The following DNAJC10 variants were observed in gnomAD, a reference collection of about 807,000 sequenced individuals.
DNAJC10 encodes DnaJ heat shock protein family (Hsp40) member C10, also known as endoplasmic reticulum disulfide reductase DNAJC10.
A neutral mutation model predicts 115.0 loss-of-function variants in DNAJC10; 101 were observed. The ratio of observed to expected loss-of-function variants is 0.88; its 90% CI spans 0.75 to 1.04. The LOEUF is 1.04. Ranked by LOEUF, DNAJC10 falls within the 50% of genes least tolerant of loss-of-function variation. The pLI is 0.00. For synonymous variants in DNAJC10, 307 were observed against 301.5 expected (o/e 1.02, Z -0.19); for missense variants, 981 against 928.8 (o/e 1.06, Z -0.73).
At chr2:182,719,702 T>C (rs1341531644) in intron 3 of DNAJC10, among the ~76,000 whole-genome samples, 1 of 148,664 alleles carries the variant, frequency 6.7e-6, no homozygotes, top group Admixed American at 6.6e-5. Flanking sequence ...TTCAACAGGC[T>C]TATTATTTTC....
intron 8 of DNAJC10, among the ~76,000 whole-genome samples, chr2:182,730,784 C>T: frequency 6.6e-6 from 1 of 151,896 alleles, no homozygotes; most frequent in African/African-American, 2.4e-5. Context: ...GTCACAGGGG[C>T]CTAACTTGCC....
In DNAJC10 at chr2:182,756,811, G is replaced by A. The variant is rs139350688; in HGVS notation, c.1809+342G>A. 3.8e-3 allele frequency among the ~76,000 whole-genome samples: 583 copies of A among 152,182 alleles called. 4 individuals are homozygous for A. Among genetic ancestry groups the A allele is most frequent in the African/African-American group, 0.013 (551 of 41,554 alleles). ...GTGCCACCACGCCTAGCTAATTTTT[G>A]TATTTTTAGTAGAAACAGGGTTTTG... On this transcript the variant is annotated intron_variant, in intron 18 of 23. Transcript: ENST00000264065.
chr2:182,739,166 A>T (rs1386225244), intron 11 of DNAJC10, among the ~76,000 whole-genome samples: 1 of 51,442 alleles, frequency 1.9e-5, no homozygotes, highest in African/African-American at 3.6e-5. Flanking sequence ...TGTTTATGAT[A>T]TATATATATA....
intron 8 of DNAJC10, among the ~76,000 whole-genome samples, 154 bp from the exon 9 acceptor site, chr2:182,730,876 C>T (rs1693426674): frequency 6.6e-6 from 1 of 152,046 alleles, no homozygotes; most frequent in African/African-American, 2.4e-5. Context: ...AGGAATTTGT[C>T]ATACTCAAGA....
intron 22 of DNAJC10, among the ~76,000 whole-genome samples, chr2:182,773,309 C>CT (rs577179843): frequency 6.7e-4 from 102 of 152,162 alleles, no homozygotes; most frequent in African/African-American, 2.4e-3. Flanking sequence ...AATTATGTGT[C>CT]TTGGGGTTGC....
At chr2:182,754,424 G>T (rs1191095251) in intron 16 of DNAJC10, among the ~76,000 whole-genome samples, 2 of 152,092 alleles carry the variant, frequency 1.3e-5, no homozygotes, top group Non-Finnish European at 2.9e-5. Context: ...GGCTTCCTGG[G>T]CTGGTGCCCA....
At chr2:182,730,580 G>A (rs769917031) in intron 8 of DNAJC10, 1 of 452,362 alleles carries the variant, frequency 2.2e-6, no homozygotes, top group South Asian at 1.6e-5. Context: ...TTGGGGAAAA[G>A]AGAAAGAGTT....
intron 12 of DNAJC10, among the ~76,000 whole-genome samples, chr2:182,740,797 G>A (rs1574933004): frequency 6.6e-6 from 1 of 152,002 alleles, no homozygotes; most frequent in Admixed American, 6.6e-5. Flanking sequence ...TTCCTATTAG[G>A]TTGGTGCAAA....
intron 10 of DNAJC10, among the ~76,000 whole-genome samples, chr2:182,735,205 A>G (rs570094779): frequency 2.0e-4 from 31 of 151,768 alleles, no homozygotes; most frequent in African/African-American, 7.5e-4. Context: ...TTGTTCATTT[A>G]ATGGGTACCC....
chr2:182,762,402 T>G (rs1694308603), intron 21 of DNAJC10, among the ~76,000 whole-genome samples: 4 of 152,014 alleles, frequency 2.6e-5, no homozygotes, highest in Non-Finnish European at 5.9e-5. Context: ...TATGGTATGA[T>G]GTGCCAGTAG....
At chr2:182,737,189 T>C (rs1046947771) in intron 11 of DNAJC10, among the ~76,000 whole-genome samples, 3 of 152,184 alleles carry the variant, frequency 2.0e-5, no homozygotes, top group African/African-American at 7.2e-5. Context: ...CTCCTTAAGT[T>C]TGAGTGAGGA....
At position 182,759,311 on chromosome 2, in the gene DNAJC10, A is replaced by T. The variant is rs769053636; in HGVS notation, c.2145+4A>T. On this transcript the variant is annotated splice_donor_region_variant and intron_variant, in intron 21 of 23. Coordinates refer to ENST00000264065, the MANE Select transcript of DNAJC10 (RefSeq NM_018981.4). ...AGAATTTGAGCTCTTGGCTAGGGTAAGTCATACCTGTCTTAAATAAGTTGT... is the reference window on the plus strand; with the variant it reads ...AGAATTTGAGCTCTTGGCTAGGGTATGTCATACCTGTCTTAAATAAGTTGT... 1.2e-6 allele frequency: 2 copies of T among 1,606,492 alleles called. No individual in the cohort carries two copies. The highest frequency in any genetic ancestry group is 1.7e-5 in the Admixed American group (1 of 57,596).
intron 21 of DNAJC10, among the ~76,000 whole-genome samples, chr2:182,760,002 G>A (rs1694251201): frequency 6.6e-6 from 1 of 152,140 alleles, no homozygotes; most frequent in Non-Finnish European, 1.5e-5. Flanking sequence ...CTGCCCTGGT[G>A]ATCTTCTAAA....
chr2:182,753,826 C>G (rs1694089549), intron 16 of DNAJC10, among the ~76,000 whole-genome samples: 1 of 152,106 alleles, frequency 6.6e-6, no homozygotes, highest in African/African-American at 2.4e-5. Context: ...TCGTGATCCT[C>G]CCACCTCGGC....
chr2:182,790,783 C>G lies in DNAJC10; in HGVS notation c.*13651C>G, dbSNP rs1338824144. The G allele has an allele frequency of 2.8e-5, 3 of 107,254 alleles. No homozygotes were observed. Among genetic ancestry groups the G allele is most frequent in the African/African-American group, 1.2e-4 (3 of 25,216 alleles). 6.6% of individuals were successfully genotyped at this position (107,254 alleles called of 1,614,324 possible). On this transcript the variant is annotated 3_prime_UTR_variant, in exon 24 of 24. Transcript: ENST00000264065. ...CAGCCTGGGCAACAAGAGTGAAACT[C>G]TATCTCAAAAAAAAAAAAAAAAATT...
chr2:182,778,620 TA>T lies in DNAJC10; in HGVS notation c.*1490del, dbSNP rs2105716276. The T allele has an allele frequency of 6.6e-6, 1 of 152,322 alleles. No homozygotes were observed. Among genetic ancestry groups the T allele is most frequent in the Non-Finnish European group, 1.5e-5 (1 of 68,026 alleles). 9.4% of individuals were successfully genotyped at this position (152,322 alleles called of 1,614,324 possible). A position where few individuals can be genotyped will look rare whatever the true frequency, so the allele number is the denominator to read the frequency against. On this transcript the variant is annotated 3_prime_UTR_variant, in exon 24 of 24. Coordinates refer to ENST00000264065, the MANE Select transcript of DNAJC10 (RefSeq NM_018981.4). ...TTCCTCATAAGGGTTATTATAGCCA[TA>T]ATTAATGTTAAAATAGACTTTGTTC... is the stretch of plus-strand genomic sequence containing the variant.
At chr2:182,758,977 G>A in intron 20 of DNAJC10, 87 bp downstream of exon 20, 2 of 1,195,280 alleles carry the variant, frequency 1.7e-6, no homozygotes, top group South Asian at 2.6e-5. Context: ...TTTACTGTGG[G>A]TTAAGGTTCT....
chr2:182,727,056 G>GTT lies in DNAJC10; in HGVS notation c.419-1509_419-1508dup, dbSNP rs11376651. On this transcript the variant is annotated intron_variant, in intron 5 of 23. Coordinates refer to ENST00000264065, the MANE Select transcript of DNAJC10 (RefSeq NM_018981.4). ...TTAAGGTATGTACATTGTTTTGTTT[G>GTT]TTTTTTTTTTTTAGACATAATGCTA... 5.7e-3 allele frequency among the ~76,000 whole-genome samples: 833 copies of GTT among 146,702 alleles called. 3 individuals carry two copies. Among genetic ancestry groups the GTT allele is most frequent in the African/African-American group, 0.013 (509 of 40,260 alleles).
chr2:182,735,486 A>G (rs1693560915), intron 10 of DNAJC10, among the ~76,000 whole-genome samples: 1 of 151,996 alleles, frequency 6.6e-6, no homozygotes, highest in East Asian at 1.9e-4. Context: ...AAGTTTCATT[A>G]TGATATACAT....
Sources: gnomAD v4.1 joint callset for allele counts (sites outside exome capture counted in the v4.1 genomes callset) on GRCh38, gnomAD v4.1.1 for gene constraint, MANE v1.5 for transcripts, NCBI Gene and HGNC (gene_info 2026-07-23, HGNC 2026-07-21) for gene names.